The following RPL18A variants were observed in gnomAD, a reference collection of about 807,000 sequenced individuals.
The protein encoded by RPL18A is large ribosomal subunit protein eL20.
For synonymous variants in RPL18A, 122 were observed against 96.9 expected (o/e 1.26, Z -1.52); for missense variants, 163 against 254.1 (o/e 0.64, Z 2.44).
chr19:17,862,354 G>C, intron 3 of RPL18A, 131 bp downstream of exon 3: 1 of 1,145,748 alleles, frequency 8.7e-7, no homozygotes. Flanking sequence ...AAGACAAAAG[G>C]ATGCCCCAGG....
intron 2 of RPL18A, 76 bp from the exon 3 acceptor site, chr19:17,862,018 A>C (rs2147716233): frequency 6.5e-7 from 1 of 1,543,264 alleles, no homozygotes; most frequent in Non-Finnish European, 8.8e-7. Flanking sequence ...CTTTAGAGGC[A>C]GAGGGTTCAG....
rs767021724 is a variant in RPL18A at position 17,863,048 on chromosome 19, C to T, written c.438+21C>T. The T allele has an allele frequency of 1.2e-5, 19 of 1,586,572 alleles. No individual in the cohort carries two copies. In the East Asian group the frequency reaches 2.0e-4, roughly 17 times the overall value. On this transcript the variant is annotated intron_variant, in intron 4 of 4. Coordinates refer to ENST00000222247, the MANE Select transcript of RPL18A (RefSeq NM_000980.4). ...TCCACGTGAGTGCCCTGGGGGACTC[C>T]CCTGGAGGGAAGTGCCTGCTCTGAC...
At chr19:17,862,012 A>G in intron 2 of RPL18A, 82 bp from the exon 3 acceptor site, 1 of 1,515,620 alleles carries the variant, frequency 6.6e-7, no homozygotes, top group Non-Finnish European at 8.9e-7. Flanking sequence ...GGTGTGCTTT[A>G]GAGGCAGAGG....
At chr19:17,862,431 C>T (rs2094279128) in intron 3 of RPL18A, 1 of 683,330 alleles carries the variant, frequency 1.5e-6, no homozygotes, top group African/African-American at 1.8e-5. Flanking sequence ...TCTGGAAACT[C>T]CCTTTTTGGG....
In RPL18A at chr19:17,862,958, C is replaced by T. The variant is rs143841599; in HGVS notation, c.369C>T (p.Ser123=). The part of the protein sequence containing the change: ...MGARHRARAH[S]IQIMKVEEIA... The stretch of plus-strand genomic sequence containing the variant: ...CCCGGCACCGCGCCCGAGCCCACTC[C>T]ATTCAGATCATGAAGGTGGAGGAGA... Residue 123 remains serine, a synonymous_variant, in exon 4 of 5, where the codon TCC becomes TCT. Coordinates refer to ENST00000222247, the MANE Select transcript of RPL18A (RefSeq NM_000980.4). 1.9e-6 allele frequency: 3 copies of T among 1,612,518 alleles called. No individual in the cohort carries two copies. The highest frequency in any genetic ancestry group is 2.2e-5 in the South Asian group (2 of 91,014).
At chr19:17,863,084 A>G in intron 4 of RPL18A, 57 bp downstream of exon 4, 1 of 1,554,066 alleles carries the variant, frequency 6.4e-7, no homozygotes, top group Middle Eastern at 1.7e-4. Context: ...GCAGGAGCCC[A>G]GTGGGGGGCG....
chr19:17,861,135 T>C (rs1176177614), intron 1 of RPL18A, 158 bp from the exon 2 acceptor site: 5 of 622,970 alleles, frequency 8.0e-6, no homozygotes, highest in Admixed American at 2.8e-5. Flanking sequence ...TGGTCGGGAG[T>C]GTGACCTACA....
At chr19:17,861,969 A>G (rs1381186971) in intron 2 of RPL18A, 125 bp from the exon 3 acceptor site, 22 of 1,135,472 alleles carry the variant, frequency 1.9e-5, no homozygotes, top group Non-Finnish European at 2.3e-5. Context: ...CTGAGGCACA[A>G]GAGTCTGGCC....
chr19:17,863,254 C>T lies in RPL18A; in HGVS notation c.522C>T (p.Thr174=), dbSNP rs375044003. The T allele has an allele frequency of 2.9e-5, 46 of 1,586,954 alleles. No individual in the cohort carries two copies. The highest frequency in any genetic ancestry group is 3.6e-5 in the Non-Finnish European group (42 of 1,157,690). The part of the protein sequence containing the change: ...KPRFTTKRPN[T]FF ...GCTTCACCACCAAGAGGCCCAACAC[C>T]TTCTTCTAGGTGCAGGGCCCTCGTC... Residue 174 remains threonine (T), a synonymous_variant, in exon 5 of 5, where the codon ACC becomes ACT. Coordinates refer to ENST00000222247, the MANE Select transcript of RPL18A (RefSeq NM_000980.4).
At chr19:17,860,541 C>G (rs939223058) in intron 1 of RPL18A, among the ~76,000 whole-genome samples, 4 of 152,166 alleles carry the variant, frequency 2.6e-5, no homozygotes, top group Non-Finnish European at 4.4e-5. Context: ...GGGGCGGGCC[C>G]CATTGTTCCC....
chr19:17,861,783 G>A, intron 2 of RPL18A: 1 of 543,864 alleles, frequency 1.8e-6, no homozygotes, highest in East Asian at 3.1e-5. Context: ...TGGCTATCTG[G>A]TCAGTGGGTG....
chr19:17,860,450 C>T (rs1599894320), intron 1 of RPL18A: 1 of 158,990 alleles, frequency 6.3e-6, no homozygotes, highest in South Asian at 1.7e-4. Flanking sequence ...GGCTCTATGG[C>T]GCAGAGATAG....
chr19:17,862,559 A>T (rs1291157800), intron 3 of RPL18A: 1 of 699,904 alleles, frequency 1.4e-6, no homozygotes, highest in Non-Finnish European at 2.7e-6. Context: ...CTCACCTGCC[A>T]GGGTCTGTGA....
chr19:17,859,978 A>G lies in RPL18A; in HGVS notation c.18+4A>G, dbSNP rs770219206. On this transcript the variant is annotated splice_donor_region_variant and intron_variant, in intron 1 of 4. Transcript: ENST00000222247. ...CGCCATGAAGGCCTCGGGCACGGTA[A>G]GGCGGGCGCGGCGCGGCAGGGGGCC... 3.7e-5 allele frequency: 57 copies of G among 1,524,444 alleles called. No individual in the cohort carries two copies. Among genetic ancestry groups the G allele is most frequent in the Non-Finnish European group, 4.3e-5 (49 of 1,137,712 alleles). 94.4% of individuals were successfully genotyped at this position (1,524,444 alleles called of 1,614,324 possible).
chr19:17,861,785 C>G (rs563986549), intron 2 of RPL18A: 4 of 543,034 alleles, frequency 7.4e-6, no homozygotes, highest in African/African-American at 3.8e-5. Flanking sequence ...GCTATCTGGT[C>G]AGTGGGTGGT....
chr19:17,862,216 C>T lies in RPL18A; in HGVS notation c.321C>T (p.Thr107=). The part of the protein sequence containing the change: ...YRDLTTAGAV[T]QCYRDMGARH... Reference sequence around the variant, plus strand: ...ACCTGACCACCGCAGGCGCTGTCACCCAGTGCTGTAAGCTGCCTGTCCCGC... The same window carrying T: ...ACCTGACCACCGCAGGCGCTGTCACTCAGTGCTGTAAGCTGCCTGTCCCGC... Residue 107 remains threonine (T), a synonymous_variant, in exon 3 of 5, where the codon ACC becomes ACT. Transcript: ENST00000222247. 1 of 1,613,322 alleles carries T rather than the reference C, an allele frequency of 6.2e-7. No homozygotes were observed. The highest frequency in any genetic ancestry group is 8.5e-7 in the Non-Finnish European group (1 of 1,179,988).
chr19:17,863,299 C>G lies in RPL18A; in HGVS notation c.*36C>G. On this transcript the variant is annotated 3_prime_UTR_variant, in exon 5 of 5. Coordinates refer to ENST00000222247, the MANE Select transcript of RPL18A (RefSeq NM_000980.4). ...CTCGTCCGGGTGTGCCCCAAATAAA[C>G]TCAGGAACGCCCCGGTGCTCGCCGC... 7.4e-7 allele frequency: 1 copy of G among 1,346,164 alleles called. No homozygotes were observed. The highest frequency in any genetic ancestry group is 1.1e-6 in the Non-Finnish European group (1 of 948,526). The allele number at this position is 1,346,164 out of a possible 1,614,324, so 83.4% of individuals were successfully genotyped here.
In RPL18A at chr19:17,859,970, G is replaced by A; in HGVS notation, c.14G>A (p.Gly5Asp). The A allele has an allele frequency of 1.3e-6, 2 of 1,530,424 alleles. No homozygotes were observed. Among genetic ancestry groups the A allele is most frequent in the Non-Finnish European group, 1.8e-6 (2 of 1,140,260 alleles). 94.8% of individuals were successfully genotyped at this position (1,530,424 alleles called of 1,614,324 possible). Reference protein sequence around the residue: MKASGTLREYKVVGR... With the variant: MKASDTLREYKVVGR... ...GGAGAGCACGCCATGAAGGCCTCGG[G>A]CACGGTAAGGCGGGCGCGGCGCGGC... Residue 5 changes from glycine to aspartate, a missense_variant, in exon 1 of 5, where the codon GGC becomes GAC. By Grantham distance (94) the Gly-to-Asp change is moderately conservative. Coordinates refer to ENST00000222247, the MANE Select transcript of RPL18A (RefSeq NM_000980.4).
At chr19:17,862,587 G>C in intron 3 of RPL18A, 1 of 703,368 alleles carries the variant, frequency 1.4e-6, no homozygotes, top group South Asian at 1.4e-5. Flanking sequence ...ACACCTCCCT[G>C]ATTGCACCTA....
Sources: gnomAD v4.1 joint callset for allele counts (sites outside exome capture counted in the v4.1 genomes callset) on GRCh38, gnomAD v4.1.1 for gene constraint, MANE v1.5 for transcripts, NCBI Gene and HGNC (gene_info 2026-07-23, HGNC 2026-07-21) for gene names.